Variants in CCNA2 observed in about 807,000 individuals in gnomAD.
CCNA2 encodes cyclin A2, also known as cyclin-A2.
In CCNA2, 3 loss-of-function variants were observed where a neutral mutation model predicts 49.4. The ratio of observed to expected loss-of-function variants is 0.06; its 90% CI spans 0.03 to 0.16. CCNA2 has a LOEUF of 0.16. CCNA2 is among the 10% of genes least tolerant of loss of function. The probability of loss-of-function intolerance (pLI) is 1.00; values close to 1 mark genes in which losing one functional copy is unlikely to be tolerated. For synonymous variants in CCNA2, 206 were observed against 197.2 expected, an observed-to-expected ratio of 1.04 and a Z score of -0.37; for missense variants, 372 against 519.7, an observed-to-expected ratio of 0.72 and a Z score of 2.76.
At chr4:121,817,825 G>A (rs1342747914) in intron 7 of CCNA2, 139 bp from the exon 8 acceptor site, 1 of 1,267,280 alleles carries the variant, frequency 7.9e-7, no homozygotes, top group African/African-American at 1.5e-5. Context: ...TAGAAACACT[G>A]TCTGGTCCCT....
chr4:121,819,766 A>G (rs1724640539), intron 4 of CCNA2, among the ~76,000 whole-genome samples, 187 bp from the exon 5 acceptor site: 2 of 152,140 alleles, frequency 1.3e-5, no homozygotes, highest in Admixed American at 1.3e-4. Flanking sequence ...GCCCAAATCA[A>G]TAAAGGACTT....
At position 121,823,872 on chromosome 4, in the gene CCNA2, G is replaced by C. The variant is rs1578516332; in HGVS notation, c.-244C>G. 3 of 613,144 alleles carry C rather than the reference G, an allele frequency of 4.9e-6. No homozygotes were observed. The highest frequency in any genetic ancestry group is 2.5e-5 in the South Asian group (1 of 39,748). The allele number at this position is 613,144 out of a possible 1,614,324, so 38.0% of individuals were successfully genotyped here. A position where few individuals can be genotyped will look rare whatever the true frequency, so the allele number is the denominator to read the frequency against. ...AGCCAAAGACGCCCAGAGATGCAGCGAGCAGCCCGCCGGAGCGGCGGCTGT... is the reference window on the plus strand; with the variant it reads ...AGCCAAAGACGCCCAGAGATGCAGCCAGCAGCCCGCCGGAGCGGCGGCTGT... On this transcript the variant is annotated 5_prime_UTR_variant, in exon 1 of 8. Coordinates refer to ENST00000274026, the MANE Select transcript of CCNA2 (RefSeq NM_001237.5).
chr4:121,818,747 C>A, intron 6 of CCNA2, 53 bp downstream of exon 6: 1 of 1,095,080 alleles, frequency 9.1e-7, no homozygotes, highest in East Asian at 2.4e-5. Context: ...ATTATTTAAT[C>A]TGGCACAGGC....
At chr4:121,817,768 AT>A in intron 7 of CCNA2, 82 bp from the exon 8 acceptor site, 3 of 1,566,854 alleles carry the variant, frequency 1.9e-6, no homozygotes, top group Non-Finnish European at 2.6e-6. Context: ...GTACTCATGT[AT>A]TGGGAACTAA....
At position 121,823,473 on chromosome 4, in the gene CCNA2, T is replaced by C. The variant is rs766543347; in HGVS notation, c.156A>G (p.Val52=). 6 of 1,613,410 alleles carry C rather than the reference T, an allele frequency of 3.7e-6. No individual in the cohort carries two copies. In the South Asian group the frequency reaches 4.4e-5, roughly 12 times the overall value. ...GACCCCGCGGGTTCCCGGACTTCAGTACCGCCAGCGCGGCCCGGGTCCGCG... is the reference window on the plus strand; with the variant it reads ...GACCCCGCGGGTTCCCGGACTTCAGCACCGCCAGCGCGGCCCGGGTCCGCG... ...QQPRTRAALA[V]LKSGNPRGLA... is the part of the protein sequence containing the mutation. The change falls in exon 1 of 8, where the codon GTA becomes GTG. Residue 52 remains valine, a synonymous_variant. Coordinates refer to ENST00000274026, the MANE Select transcript of CCNA2 (RefSeq NM_001237.5).
chr4:121,817,068 C>T lies in CCNA2; in HGVS notation c.*570G>A. The T allele has an allele frequency of 2.0e-6, 1 of 501,192 alleles. No individual in the cohort carries two copies. The highest frequency in any genetic ancestry group is 3.0e-5 in the South Asian group (1 of 33,510). The allele number at this position is 501,192 out of a possible 1,614,324, so 31.0% of individuals were successfully genotyped here. A position where few individuals can be genotyped will look rare whatever the true frequency, so the allele number is the denominator to read the frequency against. On this transcript the variant is annotated 3_prime_UTR_variant, in exon 8 of 8. Transcript: ENST00000274026. ...TATAAGCTTCCCACCCTCTTCCACT[C>T]CCAACCTCTGTTGAGTTTACCTCGC...
At chr4:121,819,717 T>C (rs903945240) in intron 4 of CCNA2, 138 bp from the exon 5 acceptor site, 9 of 633,464 alleles carry the variant, frequency 1.4e-5, no homozygotes, top group African/African-American at 1.3e-4. Context: ...TTGATCATCA[T>C]TTCTAGTAGA....
chr4:121,817,072 A>G lies in CCNA2; in HGVS notation c.*566T>C. The G allele has an allele frequency of 2.1e-6, 1 of 482,232 alleles. No homozygotes were observed. Among genetic ancestry groups the G allele is most frequent in the Non-Finnish European group, 3.6e-6 (1 of 277,916 alleles). The allele number at this position is 482,232 out of a possible 1,614,324, so 29.9% of individuals were successfully genotyped here. On this transcript the variant is annotated 3_prime_UTR_variant, in exon 8 of 8. Transcript: ENST00000274026. ...AGCTTCCCACCCTCTTCCACTCCCA[A>G]CCTCTGTTGAGTTTACCTCGCAAAA...
rs1724761344 is a variant in CCNA2, at chr4:121,823,617, G to A, written c.12C>T (p.Asn4=). 1 of 1,593,226 alleles carries A rather than the reference G, an allele frequency of 6.3e-7. No individual in the cohort carries two copies. Among genetic ancestry groups the A allele is most frequent in the Admixed American group, 1.7e-5 (1 of 57,604 alleles). The part of the protein sequence containing the change: MLG[N]SAPGPATREA... ...CGCGGGTCGCAGGCCCCGGCGCAGA[G>A]TTGCCCAACATCACTGCTCCCGGGA... Residue 4 remains asparagine, a synonymous_variant, in exon 1 of 8, where the codon AAC becomes AAT. Coordinates refer to ENST00000274026, the MANE Select transcript of CCNA2 (RefSeq NM_001237.5).
At chr4:121,819,695 A>G (rs948072701) in intron 4 of CCNA2, 116 bp from the exon 5 acceptor site, 2 of 672,870 alleles carry the variant, frequency 3.0e-6, no homozygotes, top group African/African-American at 3.6e-5. Context: ...CACCAACTGC[A>G]TTTCCAGACA....
chr4:121,816,637 T>G lies in CCNA2; in HGVS notation c.*1001A>C. ...AAAATTAGGACCTAAATCTATAATA[T>G]AAACTTCTTGGATGCCAGTCTTACT... On this transcript the variant is annotated 3_prime_UTR_variant, in exon 8 of 8. Coordinates refer to ENST00000274026, the MANE Select transcript of CCNA2 (RefSeq NM_001237.5). 1.1e-6 allele frequency: 1 copy of G among 947,676 alleles called. No homozygotes were observed. The highest frequency in any genetic ancestry group is 1.5e-6 in the Non-Finnish European group (1 of 658,618). The allele number at this position is 947,676 out of a possible 1,614,324, so 58.7% of individuals were successfully genotyped here.
chr4:121,823,548 T>C lies in CCNA2; in HGVS notation c.81A>G (p.Gln27=), dbSNP rs1724757800. 2 of 1,612,074 alleles carry C rather than the reference T, an allele frequency of 1.2e-6. No individual in the cohort carries two copies. Among genetic ancestry groups the C allele is most frequent in the South Asian group, 2.2e-5 (2 of 90,722 alleles). ...ALLALQQTAL[Q]EDQENINPEK... ...CCGGGTTGATATTCTCCTGGTCCTC[T>C]TGGAGCGCCGTCTGCTGCAATGCTA... Residue 27 remains glutamine, a synonymous_variant, in exon 1 of 8, where the codon CAA becomes CAG. Coordinates refer to ENST00000274026, the MANE Select transcript of CCNA2 (RefSeq NM_001237.5).
rs1254643962 is a variant in CCNA2, at chr4:121,820,144, A to G, written c.794+398T>C. Among the ~76,000 whole-genome samples, 1 of 151,822 alleles carries G rather than the reference A, an allele frequency of 6.6e-6. No individual in the cohort carries two copies. The highest frequency in any genetic ancestry group is 2.1e-4 in the South Asian group (1 of 4,824). ...TTAGTAGAGACAGGGTTTCGCCATG[A>G]TGGCCAGGCTGGTCTCAAACTCCTG... On this transcript the variant is annotated intron_variant, in intron 4 of 7. Transcript: ENST00000274026. The surrounding 1 kb of genome is among the most constrained non-coding windows in gnomAD (Gnocchi z 4.1).
Position 121,823,483 on chromosome 4 carries a change from G to A in CCNA2, c.146C>T (p.Ala49Val). The change falls in exon 1 of 8, where the codon GCG becomes GTG. Residue 49 changes from alanine (A) to valine (V), a missense_variant. Ala to Val is a moderately conservative substitution (Grantham distance 64). Coordinates refer to ENST00000274026, the MANE Select transcript of CCNA2 (RefSeq NM_001237.5). The stretch of plus-strand genomic sequence containing the variant: ...GTTCCCGGACTTCAGTACCGCCAGC[G>A]CGGCCCGGGTCCGCGGTTGTTGGAC... Reference protein sequence around the residue: ...APVQQPRTRAALAVLKSGNPR... With the variant: ...APVQQPRTRAVLAVLKSGNPR... The A allele has an allele frequency of 1.9e-6, 3 of 1,613,470 alleles. No individual in the cohort carries two copies. The highest frequency in any genetic ancestry group is 1.3e-5 in the African/African-American group (1 of 75,058).
chr4:121,820,106 A>C lies in CCNA2; in HGVS notation c.794+436T>G, dbSNP rs1724654557. On this transcript the variant is annotated intron_variant, in intron 4 of 7. Transcript: ENST00000274026. The surrounding 1 kb of genome is among the most constrained non-coding windows in gnomAD (Gnocchi z 4.1). Reference sequence around the variant, plus strand: ...CAGGCATGCATCACCATGCCCAGCTAATTTTTGTATTTTTAGTAGAGACAG... The same window carrying C: ...CAGGCATGCATCACCATGCCCAGCTCATTTTTGTATTTTTAGTAGAGACAG... 1.3e-5 allele frequency among the ~76,000 whole-genome samples: 2 copies of C among 151,758 alleles called. No individual in the cohort carries two copies. The highest frequency in any genetic ancestry group is 6.6e-5 in the Admixed American group (1 of 15,246).
Position 121,817,004 on chromosome 4 carries a change from A to G in CCNA2, c.*634T>C, listed in dbSNP as rs1256642872. On this transcript the variant is annotated 3_prime_UTR_variant, in exon 8 of 8. Coordinates refer to ENST00000274026, the MANE Select transcript of CCNA2 (RefSeq NM_001237.5). ...TTTTGTTTTTAATGTGCTTTAAAAT[A>G]ATAAACCTTCTGGAGCATTTCTCGT... 1.3e-6 allele frequency: 1 copy of G among 773,944 alleles called. No homozygotes were observed. The highest frequency in any genetic ancestry group is 3.0e-5 in the East Asian group (1 of 33,580). The allele number at this position is 773,944 out of a possible 1,614,324, so 47.9% of individuals were successfully genotyped here. A position where few individuals can be genotyped will look rare whatever the true frequency, so the allele number is the denominator to read the frequency against.
At chr4:121,822,175 CT>C (rs1181631996) in intron 2 of CCNA2, among the ~76,000 whole-genome samples, 1 of 152,152 alleles carries the variant, frequency 6.6e-6, no homozygotes, top group African/African-American at 2.4e-5. Flanking sequence ...ATTGATGTGA[CT>C]GGCAGTGAAC....
In CCNA2 at chr4:121,823,278, C is replaced by T. The variant is rs567971221; in HGVS notation, c.213+138G>A. 7 of 1,074,386 alleles carry T rather than the reference C, an allele frequency of 6.5e-6. No individual in the cohort carries two copies. The South Asian group carries it at 1.2e-4, about 18-fold the overall frequency. The allele number at this position is 1,074,386 out of a possible 1,614,324, so 66.6% of individuals were successfully genotyped here. A position where few individuals can be genotyped will look rare whatever the true frequency, so the allele number is the denominator to read the frequency against. The stretch of plus-strand genomic sequence containing the variant: ...AACTCCTACTGTGGCAAACCACACA[C>T]CAGCACCAACTGCACTCCAGACCCT... On this transcript the variant is annotated intron_variant, in intron 1 of 7. Coordinates refer to ENST00000274026, the MANE Select transcript of CCNA2 (RefSeq NM_001237.5).
chr4:121,817,592 A>G lies in CCNA2; in HGVS notation c.*46T>C. On this transcript the variant is annotated 3_prime_UTR_variant, in exon 8 of 8. Coordinates refer to ENST00000274026, the MANE Select transcript of CCNA2 (RefSeq NM_001237.5). Reference sequence around the variant, plus strand: ...CTAAGTTAAAAACTGTACACCATATACTTTGAGTGATTTACATCTTAGAAA... The same window carrying G: ...CTAAGTTAAAAACTGTACACCATATGCTTTGAGTGATTTACATCTTAGAAA... 6.2e-7 allele frequency: 1 copy of G among 1,611,672 alleles called. No homozygotes were observed.
Sources: gnomAD v4.1 joint callset for allele counts (sites outside exome capture counted in the v4.1 genomes callset) on GRCh38, gnomAD v4.1.1 for gene constraint, Gnocchi (gnomAD v3.1) non-coding constraint, MANE v1.5 for transcripts, NCBI Gene and HGNC (gene_info 2026-07-23, HGNC 2026-07-21) for gene names.